The following GALNT10 variants were observed in gnomAD, a reference collection of about 807,000 sequenced individuals.
GALNT10 encodes the protein GalNAc transferase 10.
In GALNT10, 41 loss-of-function variants were observed where a neutral mutation model predicts 75.0. The ratio of observed to expected loss-of-function variants is 0.55; its 90% CI spans 0.43 to 0.71. The LOEUF is 0.71. Among genes scored for constraint, GALNT10 ranks in the 30% least tolerant of loss-of-function variants. GALNT10 has a pLI of 0.00. For missense variants in GALNT10, 727 were observed against 818.5 expected (o/e 0.89, Z 1.36); for synonymous variants, 302 against 313.0 (o/e 0.96, Z 0.37).
At chr5:154,328,676 A>G (rs1215456292) in intron 3 of GALNT10, among the ~76,000 whole-genome samples, 1 of 152,116 alleles carries the variant, frequency 6.6e-6, no homozygotes, top group Non-Finnish European at 1.5e-5. Context: ...CTCACCCCCA[A>G]TCTTCAGATG....
At chr5:154,391,829 T>C (rs1444412249) in intron 7 of GALNT10, among the ~76,000 whole-genome samples, 2 of 151,820 alleles carry the variant, frequency 1.3e-5, no homozygotes, top group African/African-American at 4.8e-5. Context: ...CCCTCTCAGG[T>C]GGGCTTTTTC....
chr5:154,218,319 A>AT (rs959207482), intron 1 of GALNT10, among the ~76,000 whole-genome samples: 1 of 152,138 alleles, frequency 6.6e-6, no homozygotes, highest in Non-Finnish European at 1.5e-5. Context: ...GAGGAGAGAC[A>AT]TTTTAATTAA....
intron 1 of GALNT10, among the ~76,000 whole-genome samples, chr5:154,276,477 C>G (rs1753955198): frequency 2.1e-5 from 1 of 47,786 alleles, no homozygotes; most frequent in African/African-American, 4.8e-5. Flanking sequence ...CCTGGATAAT[C>G]TCCTTTTTGC....
intron 1 of GALNT10, chr5:154,287,526 T>C (rs1754129270): frequency 6.6e-6 from 1 of 152,170 alleles, no homozygotes; most frequent in Non-Finnish European, 1.5e-5. Context: ...TAGAATTTAA[T>C]TTTTGGCTTT....
intron 3 of GALNT10, among the ~76,000 whole-genome samples, chr5:154,320,539 A>G (rs1449972036): frequency 6.6e-6 from 1 of 152,236 alleles, no homozygotes; most frequent in African/African-American, 2.4e-5. Context: ...TAAGGCAGGA[A>G]CTTTTGTAGA....
rs1756179028 is a variant in GALNT10, at chr5:154,402,095, C to T, written c.1057-2009C>T. On this transcript the variant is annotated intron_variant, in intron 7 of 11. Coordinates refer to ENST00000297107, the MANE Select transcript of GALNT10 (RefSeq NM_198321.4). This position sits in a 1 kb window ranked among gnomAD's most constrained non-coding sequence, Gnocchi z 4.2. Reference sequence around the variant, plus strand: ...CTGCCCCATCAGGCTGTTCTCCACCCCACTGGCAGAGTCATCTTTGTAAGA... The same window carrying T: ...CTGCCCCATCAGGCTGTTCTCCACCTCACTGGCAGAGTCATCTTTGTAAGA... Among the ~76,000 whole-genome samples, 1 of 152,332 alleles carries T rather than the reference C, an allele frequency of 6.6e-6. No individual in the cohort carries two copies. The highest frequency in any genetic ancestry group is 1.5e-5 in the Non-Finnish European group (1 of 68,038).
chr5:154,363,123 A>G lies in GALNT10; in HGVS notation c.569-13154A>G, dbSNP rs192247064. On this transcript the variant is annotated intron_variant, in intron 4 of 11. Coordinates refer to ENST00000297107, the MANE Select transcript of GALNT10 (RefSeq NM_198321.4). ...CTACATGTACTGTTATAGAAAGATG[A>G]TTTTGGCATATTGTCAACTGGACAA... 4.6e-5 allele frequency among the ~76,000 whole-genome samples: 7 copies of G among 152,302 alleles called. No homozygotes were observed. The East Asian group carries it at 1.3e-3, about 29-fold the overall frequency.
In GALNT10 at chr5:154,419,878, C is replaced by A. The variant is rs557996999; in HGVS notation, c.*2906C>A. The stretch of plus-strand genomic sequence containing the variant: ...CAGGTAATGGGTGAGACTGTGGGGT[C>A]CCTTTTCCTCTAAAGCCTTTACTCT... On this transcript the variant is annotated 3_prime_UTR_variant, in exon 12 of 12. Coordinates refer to ENST00000297107, the MANE Select transcript of GALNT10 (RefSeq NM_198321.4). 6.6e-6 allele frequency: 1 copy of A among 152,332 alleles called. No individual in the cohort carries two copies. Among genetic ancestry groups the A allele is most frequent in the South Asian group, 2.1e-4 (1 of 4,828 alleles). The allele number at this position is 152,332 out of a possible 1,614,324, so 9.4% of individuals were successfully genotyped here.
chr5:154,210,385 T>TAC (rs35928766), intron 1 of GALNT10, among the ~76,000 whole-genome samples: 5,821 of 148,920 alleles, frequency 0.039, 125 homozygotes, highest in African/African-American at 0.059. Flanking sequence ...CACACATGCA[T>TAC]ACACACACAC....
chr5:154,416,408 G>GGGT lies in GALNT10; in HGVS notation c.1654-404_1654-402dup. On this transcript the variant is annotated intron_variant, in intron 11 of 11. Transcript: ENST00000297107. The surrounding 1 kb of genome is among the most constrained non-coding windows in gnomAD (Gnocchi z 4.5). ...AGATTGTGCCACTACACTCCAGCCT[G>GGGT]GGTGACAGAGTGAGAACCTGTCTCA... 6.6e-6 allele frequency among the ~76,000 whole-genome samples: 1 copy of GGGT among 151,946 alleles called. No homozygotes were observed. The highest frequency in any genetic ancestry group is 1.5e-5 in the Non-Finnish European group (1 of 68,008).
chr5:154,297,981 TGA>T lies in GALNT10; in HGVS notation c.309_310del (p.Arg103SerfsTer11), dbSNP rs1754306506. On this transcript the variant is annotated frameshift_variant, in exon 3 of 12. Coordinates refer to ENST00000297107, the MANE Select transcript of GALNT10 (RefSeq NM_198321.4). LOFTEE classifies it high-confidence loss of function. ...QGRPYPMTDAERVDQAYRENG... is the reference protein window; with the variant it reads ...QGRPYPMTDAXRVDQAYRENG... The stretch of plus-strand genomic sequence containing the variant: ...GAAGACCTTACCCCATGACCGATGC[TGA>T]GAGAGTGGATCAGGCATACCGAGAA... 6.2e-7 allele frequency: 1 copy of T among 1,613,780 alleles called. No homozygotes were observed. Among genetic ancestry groups the T allele is most frequent in the South Asian group, 1.1e-5 (1 of 91,060 alleles).
intron 3 of GALNT10, among the ~76,000 whole-genome samples, chr5:154,310,292 G>A (rs1268204162): frequency 6.6e-6 from 1 of 152,192 alleles, no homozygotes; most frequent in African/African-American, 2.4e-5. Context: ...GAGATACTCA[G>A]AGTTCAAGAG....
At chr5:154,341,195 C>T (rs62379901) in intron 4 of GALNT10, among the ~76,000 whole-genome samples, 1,749 of 152,256 alleles carry the variant, frequency 0.011, 15 homozygotes, top group Non-Finnish European at 0.019. Context: ...CTGCCTTTTC[C>T]AGCCTTTGGG....
chr5:154,274,120 T>C (rs569903251), intron 1 of GALNT10, among the ~76,000 whole-genome samples: 7 of 152,286 alleles, frequency 4.6e-5, no homozygotes, highest in Non-Finnish European at 8.8e-5. Flanking sequence ...CTCTGGCCCT[T>C]TGGAGAGTCA....
At chr5:154,304,805 G>A (rs78938620) in intron 3 of GALNT10, among the ~76,000 whole-genome samples, 2,387 of 152,298 alleles carry the variant, frequency 0.016, 46 homozygotes, top group African/African-American at 0.053. Context: ...ATCTGGTATC[G>A]TAAGGTTCTC....
intron 3 of GALNT10, among the ~76,000 whole-genome samples, chr5:154,321,984 C>G (rs1401667799): frequency 6.6e-6 from 1 of 152,210 alleles, no homozygotes; most frequent in Non-Finnish European, 1.5e-5. Flanking sequence ...AAAAGGGTAT[C>G]AAGGACGACT....
intron 1 of GALNT10, among the ~76,000 whole-genome samples, chr5:154,282,859 G>A (rs368966694): frequency 6.6e-5 from 10 of 152,302 alleles, no homozygotes; most frequent in East Asian, 3.9e-4. Context: ...AGAAATTGAT[G>A]TCTTCTCATA....
chr5:154,298,965 C>A lies in GALNT10; in HGVS notation c.401+886C>A, dbSNP rs554313233. On this transcript the variant is annotated intron_variant, in intron 3 of 11. Transcript: ENST00000297107. This position sits in a 1 kb window ranked among gnomAD's most constrained non-coding sequence, Gnocchi z 4.1. ...ATGCTGGCGCTGCTTATCTTGGGAC[C>A]ACACTTTGAGAATCACTGCAAGTAG... 6.6e-6 allele frequency among the ~76,000 whole-genome samples: 1 copy of A among 152,274 alleles called. No homozygotes were observed. Among genetic ancestry groups the A allele is most frequent in the East Asian group, 1.9e-4 (1 of 5,184 alleles).
Position 154,404,210 on chromosome 5 carries a change from G to T in GALNT10, c.1163G>T (p.Arg388Leu). The change falls in exon 8 of 12, where the codon CGG becomes CTG. Residue 388 changes from arginine to leucine, a missense_variant and splice_region_variant. Arg to Leu is a moderately radical substitution (Grantham distance 102). Coordinates refer to ENST00000297107, the MANE Select transcript of GALNT10 (RefSeq NM_198321.4). ...YKVPAGVSLA[R>L]NLKRVAEVWM... The stretch of plus-strand genomic sequence containing the variant: ...GTCCCGGCCGGAGTCAGCCTGGCCC[G>T]GGTAAGGTGGTGGCTTTCCTTGGCG... The T allele has an allele frequency of 6.3e-7, 1 of 1,580,288 alleles. No individual in the cohort carries two copies. The highest frequency in any genetic ancestry group is 8.6e-7 in the Non-Finnish European group (1 of 1,159,812).
Sources: allele counts gnomAD v4.1 joint callset (sites outside exome capture counted in the v4.1 genomes callset), GRCh38; gene constraint gnomAD v4.1.1; non-coding constraint Gnocchi (gnomAD v3.1); transcripts MANE v1.5; gene names NCBI Gene and HGNC (gene_info 2026-07-23, HGNC 2026-07-21).